Variants in RBMS3 observed in about 807,000 individuals in gnomAD.
RBMS3 encodes RNA-binding motif, single-stranded-interacting protein 3.
A neutral mutation model predicts 66.8 loss-of-function variants in RBMS3; 27 were observed. The observed-to-expected ratio is 0.40, with a 90% CI of 0.30 to 0.56. The LOEUF is 0.56. Among genes scored for constraint, RBMS3 ranks in the 20% least tolerant of loss-of-function variants. The pLI, the probability that RBMS3 is intolerant of heterozygous loss-of-function variation, is 0.40. For missense variants in RBMS3, 513 were observed against 549.5 expected (o/e 0.93, Z 0.66); for synonymous variants, 188 against 183.0 (o/e 1.03, Z -0.22).
intron 3 of RBMS3, among the ~76,000 whole-genome samples, chr3:29,539,963 C>T (rs1248629568): frequency 2.6e-5 from 4 of 152,150 alleles, no homozygotes; most frequent in Non-Finnish European, 5.9e-5. Flanking sequence ...CAATACTTAT[C>T]ATTCAAACAC....
chr3:29,911,383 C>A (rs963400623), intron 10 of RBMS3, among the ~76,000 whole-genome samples: 1 of 152,008 alleles, frequency 6.6e-6, no homozygotes, highest in African/African-American at 2.4e-5. Context: ...AACAGTTCTG[C>A]CACAGAAGGT....
At chr3:29,401,195 C>T (rs1334960716) in intron 1 of RBMS3, among the ~76,000 whole-genome samples, 1 of 151,922 alleles carries the variant, frequency 6.6e-6, no homozygotes, top group African/African-American at 2.4e-5. Context: ...AACAGGCATA[C>T]CTATTAAAAA....
chr3:29,346,369 T>A (rs534788930), intron 1 of RBMS3, among the ~76,000 whole-genome samples: 13 of 152,002 alleles, frequency 8.6e-5, no homozygotes, highest in African/African-American at 2.7e-4. Flanking sequence ...TCTGTTTTAT[T>A]GTGAATCCTA....
At chr3:29,290,085 G>A (rs1264653216) in intron 1 of RBMS3, among the ~76,000 whole-genome samples, 2 of 151,710 alleles carry the variant, frequency 1.3e-5, no homozygotes, top group Non-Finnish European at 2.9e-5. Flanking sequence ...AAAATATATT[G>A]AAAGTTTTTC....
intron 2 of RBMS3, among the ~76,000 whole-genome samples, chr3:29,482,685 TTTTCTTTC>T (rs763917777): frequency 3.1e-5 from 4 of 130,646 alleles, no homozygotes; most frequent in Non-Finnish European, 6.2e-5. Flanking sequence ...CAGTCTACCA[TTTTCTTTC>T]TTTCTTTCTT....
chr3:29,542,694 A>G (rs1266462806), intron 3 of RBMS3, among the ~76,000 whole-genome samples: 1 of 152,170 alleles, frequency 6.6e-6, no homozygotes, highest in Non-Finnish European at 1.5e-5. Flanking sequence ...GGGATGTGAC[A>G]GTTTTCTCCC....
At chr3:29,293,765 C>T (rs986527952) in intron 1 of RBMS3, among the ~76,000 whole-genome samples, 1 of 151,000 alleles carries the variant, frequency 6.6e-6, no homozygotes, top group Non-Finnish European at 1.5e-5. Context: ...TCTTGCTCGC[C>T]CTTTCTTCTT....
chr3:29,706,573 A>G (rs529893621), intron 4 of RBMS3, among the ~76,000 whole-genome samples: 6 of 152,298 alleles, frequency 3.9e-5, no homozygotes, highest in Admixed American at 3.9e-4. Context: ...CAGAACTCAT[A>G]GTATGAAATC....
At chr3:29,930,782 C>T (rs928216569) in intron 10 of RBMS3, among the ~76,000 whole-genome samples, 4 of 151,734 alleles carry the variant, frequency 2.6e-5, no homozygotes, top group Non-Finnish European at 5.9e-5. Flanking sequence ...CTTTTTTCAT[C>T]AAGCAAATCT....
At chr3:29,634,081 T>C (rs1177346313) in intron 4 of RBMS3, among the ~76,000 whole-genome samples, 1 of 151,902 alleles carries the variant, frequency 6.6e-6, no homozygotes, top group Non-Finnish European at 1.5e-5. Flanking sequence ...AATAATCTGA[T>C]AGGTATTTTG....
At chr3:29,797,875 G>T (rs1406910104) in intron 6 of RBMS3, 1 of 152,030 alleles carries the variant, frequency 6.6e-6, no homozygotes, top group Non-Finnish European at 1.5e-5. Flanking sequence ...ATTTATTTTT[G>T]CTTAAACTAC....
At chr3:29,354,866 G>T (rs1370594878) in intron 1 of RBMS3, among the ~76,000 whole-genome samples, 3 of 152,004 alleles carry the variant, frequency 2.0e-5, no homozygotes, top group Non-Finnish European at 4.4e-5. Context: ...CACTCATTCT[G>T]TGTCAGACTG....
chr3:29,584,349 G>C (rs1166257195), intron 3 of RBMS3, among the ~76,000 whole-genome samples: 2 of 151,996 alleles, frequency 1.3e-5, no homozygotes, highest in Non-Finnish European at 2.9e-5. Context: ...AGTTGTTTGA[G>C]TTCTAATCCT....
At chr3:29,770,424 T>C (rs1372868150) in intron 6 of RBMS3, among the ~76,000 whole-genome samples, 1 of 151,984 alleles carries the variant, frequency 6.6e-6, no homozygotes, top group Non-Finnish European at 1.5e-5. Context: ...CCATATTTTT[T>C]CTATAGTTAC....
At chr3:29,997,562 T>C (rs1182279459) in intron 14 of RBMS3, among the ~76,000 whole-genome samples, 1 of 150,798 alleles carries the variant, frequency 6.6e-6, no homozygotes, top group Non-Finnish European at 1.5e-5. Context: ...TCAAAAAGCT[T>C]ATCCACCATG....
chr3:29,507,265 C>G (rs1224838587), intron 3 of RBMS3, among the ~76,000 whole-genome samples: 1 of 151,814 alleles, frequency 6.6e-6, no homozygotes, highest in South Asian at 2.1e-4. Context: ...GGTACATACA[C>G]TAGATTATGT....
chr3:29,688,764 G>A lies in RBMS3; in HGVS notation c.400-50956G>A, dbSNP rs189051766. On this transcript the variant is annotated intron_variant, in intron 4 of 14. Transcript: ENST00000383767. The stretch of plus-strand genomic sequence containing the variant: ...CACCAAGCTGATTTTTGTATTTTTA[G>A]TATAGACAGGGTTTCACTCTGTTGG... Among the ~76,000 whole-genome samples the A allele has an allele frequency of 6.6e-3, 1,008 of 151,640 alleles. 5 individuals are homozygous for A. The highest frequency in any genetic ancestry group is 0.011 in the Non-Finnish European group (715 of 67,896).
Position 29,415,103 on chromosome 3 carries a change from C to T in RBMS3, c.76-19640C>T, listed in dbSNP as rs549134719. On this transcript the variant is annotated intron_variant, in intron 1 of 14. Transcript: ENST00000383767. ...CCCTGTGTAAGAAAGATTTATATAA[C>T]GCACATTTTTTAAAATATGAATTAT... is the stretch of plus-strand genomic sequence containing the variant. 9.9e-5 allele frequency among the ~76,000 whole-genome samples: 15 copies of T among 152,240 alleles called. No homozygotes were observed. In the South Asian group the frequency reaches 1.9e-3, roughly 19 times the overall value.
At chr3:29,706,409 C>T in intron 4 of RBMS3, among the ~76,000 whole-genome samples, 1 of 152,302 alleles carries the variant, frequency 6.6e-6, no homozygotes, top group African/African-American at 2.4e-5. Flanking sequence ...CAAAGTGACA[C>T]ATAATCAAGA....
Sources: gnomAD v4.1 joint callset for allele counts (sites outside exome capture counted in the v4.1 genomes callset) on GRCh38, gnomAD v4.1.1 for gene constraint, MANE v1.5 for transcripts, NCBI Gene and HGNC (gene_info 2026-07-23, HGNC 2026-07-21) for gene names.